CALN1: variants seen among roughly 807,000 people sequenced by gnomAD.
CALN1 encodes calneuron 1.
CALN1 carries 17 observed loss-of-function variants against 30.6 expected under a neutral mutation model. The ratio of observed to expected loss-of-function variants is 0.56; its 90% confidence interval spans 0.38 to 0.83. The LOEUF is 0.83. CALN1 is among the 40% of genes least tolerant of loss of function. The pLI is 0.00. For missense variants in CALN1, 291 were observed against 354.9 expected (o/e 0.82, Z 1.45); for synonymous variants, 156 against 131.4 (o/e 1.19, Z -1.28).
chr7:72,336,787 G>A (rs1405600560), intron 2 of CALN1: 2 of 985,190 alleles, frequency 2.0e-6, no homozygotes, highest in South Asian at 9.4e-5. Context: ...CCCGCAGGGA[G>A]GGGGCGGTGC....
chr7:72,369,411 T>A (rs1804090175), intron 2 of CALN1, among the ~76,000 whole-genome samples: 1 of 150,758 alleles, frequency 6.6e-6, no homozygotes, highest in South Asian at 2.1e-4. Context: ...TTGTCCAGGC[T>A]GGAGTGCAGT....
chr7:72,389,078 G>T (rs1391547571), intron 2 of CALN1, among the ~76,000 whole-genome samples: 1 of 152,190 alleles, frequency 6.6e-6, no homozygotes, highest in Non-Finnish European at 1.5e-5. Flanking sequence ...ACTCAGGAAA[G>T]CTACCTTGTT....
chr7:72,099,388 A>C (rs1243882712), intron 4 of CALN1, among the ~76,000 whole-genome samples: 2 of 151,356 alleles, frequency 1.3e-5, no homozygotes, highest in Non-Finnish European at 2.9e-5. Flanking sequence ...AGAGAAACTT[A>C]ATTAGGTAGG....
chr7:72,065,127 A>C (rs1050671944), intron 4 of CALN1, among the ~76,000 whole-genome samples: 1 of 148,364 alleles, frequency 6.7e-6, no homozygotes, highest in African/African-American at 2.4e-5. Flanking sequence ...ATATATGTAA[A>C]ATATATTTAT....
intron 5 of CALN1, among the ~76,000 whole-genome samples, chr7:71,987,525 A>C (rs967414254): frequency 2.0e-5 from 3 of 152,238 alleles, no homozygotes; most frequent in African/African-American, 7.2e-5. Flanking sequence ...GCCACTGGGC[A>C]AGTGTGGAGG....
Position 71,988,727 on chromosome 7 carries a change from G to A in CALN1, c.501+34930C>T, listed in dbSNP as rs139655064. ...GGCACAGACGCTGACCCGGGCCATC[G>A]ATCAGAGCTGGTTCACAAGAAATCT... On this transcript the variant is annotated intron_variant, in intron 5 of 6. Transcript: ENST00000395275. Among the ~76,000 whole-genome samples, 176 of 152,246 alleles carry A rather than the reference G, an allele frequency of 1.2e-3. 1 individual carries two copies. Among genetic ancestry groups the A allele is most frequent in the African/African-American group, 3.9e-3 (164 of 41,552 alleles).
At chr7:72,173,705 T>C (rs1789137974) in intron 3 of CALN1, among the ~76,000 whole-genome samples, 1 of 152,146 alleles carries the variant, frequency 6.6e-6, no homozygotes, top group Non-Finnish European at 1.5e-5. Flanking sequence ...TTGTTTGTTT[T>C]TAATAAATGA....
At chr7:71,827,103 T>C (rs1256947871) in intron 5 of CALN1, among the ~76,000 whole-genome samples, 1 of 152,156 alleles carries the variant, frequency 6.6e-6, no homozygotes, top group Non-Finnish European at 1.5e-5. Flanking sequence ...CTGGGCTCTG[T>C]GGAAGATGGT....
chr7:72,387,506 A>G (rs975547018), intron 2 of CALN1, among the ~76,000 whole-genome samples: 2 of 152,156 alleles, frequency 1.3e-5, no homozygotes, highest in Non-Finnish European at 2.9e-5. Context: ...CCGGGTGATC[A>G]AGGTCAACAT....
At chr7:71,866,013 CT>C (rs921426218) in intron 5 of CALN1, among the ~76,000 whole-genome samples, 15 of 147,622 alleles carry the variant, frequency 1.0e-4, no homozygotes, top group Non-Finnish European at 6.0e-5. Flanking sequence ...CATTTTTTTT[CT>C]TTTTTTTTTG....
chr7:72,295,804 T>G (rs910682728), intron 2 of CALN1, among the ~76,000 whole-genome samples: 8 of 151,826 alleles, frequency 5.3e-5, no homozygotes, highest in Non-Finnish European at 1.0e-4. Flanking sequence ...TCATGTCGTC[T>G]GCAAAGAGGG....
At chr7:72,406,876 A>C (rs1159118210) in intron 1 of CALN1, among the ~76,000 whole-genome samples, 3 of 152,054 alleles carry the variant, frequency 2.0e-5, no homozygotes, top group Non-Finnish European at 4.4e-5. Context: ...TCAGCCTCCC[A>C]AAGTGCTGGG....
intron 5 of CALN1, among the ~76,000 whole-genome samples, chr7:72,020,042 G>T (rs892788355): frequency 6.6e-6 from 1 of 152,070 alleles, no homozygotes; most frequent in Non-Finnish European, 1.5e-5. Context: ...GAGGTGAAAA[G>T]CTACTTTTCC....
chr7:72,025,331 CAAT>C (rs1562987104), intron 4 of CALN1, among the ~76,000 whole-genome samples: 1 of 151,872 alleles, frequency 6.6e-6, no homozygotes, highest in Non-Finnish European at 1.5e-5. Flanking sequence ...AATAATAAAA[CAAT>C]AAAATAAAAT....
At chr7:72,409,361 A>G (rs1185019106) in intron 1 of CALN1, among the ~76,000 whole-genome samples, 1 of 148,534 alleles carries the variant, frequency 6.7e-6, no homozygotes, top group African/African-American at 2.5e-5. Context: ...AAGGCCACAG[A>G]GGCTGAAATG....
intron 2 of CALN1, among the ~76,000 whole-genome samples, chr7:72,285,176 G>A (rs1798002303): frequency 6.6e-6 from 1 of 152,180 alleles, no homozygotes; most frequent in South Asian, 2.1e-4. Context: ...CACTTGACCA[G>A]TGGACTTGAT....
intron 5 of CALN1, among the ~76,000 whole-genome samples, chr7:71,845,650 A>G (rs932960365): frequency 3.9e-5 from 6 of 152,170 alleles, no homozygotes; most frequent in Admixed American, 3.9e-4. Flanking sequence ...TGTTAGAAAT[A>G]GATACACTCA....
chr7:72,463,520 C>G, the CALN1 span, among the ~76,000 whole-genome samples: 226 of 152,240 alleles, frequency 1.5e-3, no homozygotes, highest in African/African-American at 5.0e-3. Flanking sequence ...GGTACTCCCC[C>G]CAACATTGGA....
At chr7:72,493,382 G>A in the CALN1 span, among the ~76,000 whole-genome samples, 3 of 151,104 alleles carry the variant, frequency 2.0e-5, no homozygotes, top group East Asian at 1.9e-4. Context: ...TCTGTCACCC[G>A]GGCTGGAGTG....
Sources: gnomAD v4.1 joint callset for allele counts (sites outside exome capture counted in the v4.1 genomes callset) on GRCh38, gnomAD v4.1.1 for gene constraint, MANE v1.5 for transcripts, NCBI Gene and HGNC (gene_info 2026-07-23, HGNC 2026-07-21) for gene names.